ALLC: variants seen among roughly 807,000 people sequenced by gnomAD.
ALLC encodes the protein probable inactive allantoicase.
ALLC carries 40 observed loss-of-function variants against 45.0 expected under a neutral mutation model. That is an observed-to-expected ratio of 0.89 (90% confidence interval 0.69 to 1.16). The LOEUF is 1.16. Among genes scored for constraint, ALLC ranks in the 50% most tolerant of loss-of-function variants. The pLI, the probability that ALLC is intolerant of heterozygous loss-of-function variation, is 0.00. For synonymous variants in ALLC, 176 were observed against 178.1 expected, an observed-to-expected ratio of 0.99 and a Z score of 0.09; for missense variants, 488 against 493.1, an observed-to-expected ratio of 0.99 and a Z score of 0.10.
chr2:3,702,234 A>T (rs913388768), intron 11 of ALLC, 129 bp from the exon 12 acceptor site: 4 of 710,682 alleles, frequency 5.6e-6, no homozygotes. Flanking sequence ...CCCAATTATC[A>T]TCAATTAATA....
At chr2:3,649,279 T>C in the ALLC span, among the ~76,000 whole-genome samples, 87 of 151,318 alleles carry the variant, frequency 5.7e-4, no homozygotes, top group East Asian at 0.016. Context: ...TCTCGCTCTA[T>C]TGCCCAGGCT....
chr2:3,678,689 C>T, intron 4 of ALLC, 134 bp downstream of exon 4: 1 of 692,834 alleles, frequency 1.4e-6, no homozygotes, highest in Non-Finnish European at 2.5e-6. Flanking sequence ...CTTGGATGTC[C>T]TTATCTGAAC....
chr2:3,681,799 G>A (rs1050466847), intron 6 of ALLC, 86 bp downstream of exon 6: 20 of 1,079,066 alleles, frequency 1.9e-5, no homozygotes, highest in African/African-American at 1.3e-4. Flanking sequence ...TGTGCAAGGC[G>A]ATTCTTTGGG....
chr2:3,691,130 T>C (rs891402771), intron 7 of ALLC, among the ~76,000 whole-genome samples: 1 of 152,236 alleles, frequency 6.6e-6, no homozygotes, highest in African/African-American at 2.4e-5. Flanking sequence ...CACTTTAAAA[T>C]GTCATCCCAC....
rs576455032 is a variant in ALLC at position 3,669,811 on chromosome 2, T to C, written c.-62-1285T>C. 2.0e-5 allele frequency among the ~76,000 whole-genome samples: 3 copies of C among 152,200 alleles called. No individual in the cohort carries two copies. In the South Asian group the frequency reaches 6.2e-4, roughly 32 times the overall value. ...GCTGCTCCTCCCGGAGGTGGGAGGCTGCGATGGGGCAGGCTGAGGAAGAGC... is the reference window on the plus strand; with the variant it reads ...GCTGCTCCTCCCGGAGGTGGGAGGCCGCGATGGGGCAGGCTGAGGAAGAGC... On this transcript the variant is annotated intron_variant, in intron 1 of 11. Transcript: ENST00000252505.
At chr2:3,665,707 C>T (rs577281642) in intron 1 of ALLC, among the ~76,000 whole-genome samples, 1 of 152,298 alleles carries the variant, frequency 6.6e-6, no homozygotes, top group East Asian at 1.9e-4. Flanking sequence ...TTTATCCAGT[C>T]TATCATTGAT....
chr2:3,666,676 G>A (rs993746722), intron 1 of ALLC, among the ~76,000 whole-genome samples: 4 of 152,252 alleles, frequency 2.6e-5, no homozygotes, highest in Non-Finnish European at 5.9e-5. Flanking sequence ...TGAGCACGCC[G>A]CGATGCTGCT....
At chr2:3,651,438 TGTGTTA>T in the ALLC span, among the ~76,000 whole-genome samples, 26 of 57,758 alleles carry the variant, frequency 4.5e-4, 2 homozygotes, top group African/African-American at 1.2e-3. Context: ...TGTGTGTGTG[TGTGTTA>T]GGAAGGGAGA....
chr2:3,663,001 G>A (rs115712815), intron 1 of ALLC, among the ~76,000 whole-genome samples: 2,364 of 152,262 alleles, frequency 0.016, 49 homozygotes, highest in African/African-American at 0.044. Context: ...GGGGAGTATG[G>A]AAACATAGTG....
the ALLC span, among the ~76,000 whole-genome samples, chr2:3,649,266 G>T: frequency 2.0e-4 from 30 of 149,236 alleles, no homozygotes; most frequent in South Asian, 1.5e-3. Flanking sequence ...TTTTGAGACG[G>T]AGTCTCGCTC....
the ALLC span, among the ~76,000 whole-genome samples, chr2:3,646,124 A>G: frequency 6.6e-6 from 1 of 152,168 alleles, no homozygotes; most frequent in Non-Finnish European, 1.5e-5. Flanking sequence ...CCAGCATAAT[A>G]AAGATGATGT....
chr2:3,668,565 A>ATTTTTTTT (rs1666786061), intron 1 of ALLC, among the ~76,000 whole-genome samples: 1 of 86,276 alleles, frequency 1.2e-5, no homozygotes, highest in African/African-American at 5.7e-5. Context: ...AATGTGTATG[A>ATTTTTTTT]CTTTTTTTTT....
chr2:3,673,943 G>A, intron 2 of ALLC, 132 bp from the exon 3 acceptor site: 3 of 669,860 alleles, frequency 4.5e-6, no homozygotes, highest in Non-Finnish European at 7.7e-6. Flanking sequence ...CTTAACTGCA[G>A]ATTCTGTCGC....
At chr2:3,650,235 G>A in the ALLC span, among the ~76,000 whole-genome samples, 5,031 of 152,278 alleles carry the variant, frequency 0.033, 288 homozygotes, top group African/African-American at 0.11. Context: ...CTGGGTTCTG[G>A]GGTTTAGGGA....
intron 7 of ALLC, among the ~76,000 whole-genome samples, chr2:3,683,768 A>G (rs886402012): frequency 2.0e-5 from 3 of 152,206 alleles, no homozygotes; most frequent in African/African-American, 7.2e-5. Context: ...GAGCATCTCA[A>G]ATCTGAAAGC....
intron 5 of ALLC, 45 bp from the exon 6 acceptor site, chr2:3,681,589 A>AT: frequency 7.0e-7 from 1 of 1,438,364 alleles, no homozygotes; most frequent in East Asian, 2.4e-5. Context: ...ATTCCCTTTG[A>AT]TTTTGAACCC....
upstream of ALLC, among the ~76,000 whole-genome samples, chr2:3,656,973 C>T (rs1039641844): frequency 5.9e-5 from 9 of 152,182 alleles, no homozygotes; most frequent in African/African-American, 1.9e-4. Context: ...TCCGAGGCGG[C>T]GAGCGGGGGC....
At chr2:3,670,743 T>C (rs1201572954) in intron 1 of ALLC, among the ~76,000 whole-genome samples, 1 of 152,244 alleles carries the variant, frequency 6.6e-6, no homozygotes, top group Non-Finnish European at 1.5e-5. Flanking sequence ...TCAAAGACTA[T>C]TAAAAGCAAG....
intron 7 of ALLC, among the ~76,000 whole-genome samples, chr2:3,693,128 A>C (rs962342226): frequency 2.6e-5 from 4 of 152,176 alleles, no homozygotes; most frequent in Non-Finnish European, 5.9e-5. Flanking sequence ...TTTAGCAGAT[A>C]TTCTTGAATA....
Sources: allele counts gnomAD v4.1 joint callset (sites outside exome capture counted in the v4.1 genomes callset), GRCh38; gene constraint gnomAD v4.1.1; transcripts MANE v1.5; gene names NCBI Gene and HGNC (gene_info 2026-07-23, HGNC 2026-07-21).